RAB3C: variants seen among roughly 807,000 people sequenced by gnomAD.
RAB3C encodes the protein RAB3C, member RAS oncogene family.
Under a neutral mutation model 26.4 loss-of-function variants are expected in RAB3C, and 17 were observed. The observed-to-expected ratio is 0.64, with a 90% CI of 0.44 to 0.97. RAB3C has a LOEUF of 0.97. Among genes scored for constraint, RAB3C ranks in the 50% least tolerant of loss-of-function variants. RAB3C has a pLI of 0.00. For missense variants in RAB3C, 242 were observed against 281.9 expected (o/e 0.86, Z 1.01); for synonymous variants, 91 against 95.9 (o/e 0.95, Z 0.30).
rs149396885 is a variant in RAB3C at position 58,666,324 on chromosome 5, T to C, written c.252+48454T>C. Among the ~76,000 whole-genome samples, 317 of 152,272 alleles carry C rather than the reference T, an allele frequency of 2.1e-3. 5 individuals are homozygous for C. Among genetic ancestry groups the C allele is most frequent in the African/African-American group, 7.3e-3 (304 of 41,566 alleles). ...AGACCAAAAATATGTAAAGTATTTG[T>C]TGACAGAGAAGGTGAACAAGCTATT... is the stretch of plus-strand genomic sequence containing the variant. On this transcript the variant is annotated intron_variant, in intron 2 of 4. Coordinates refer to ENST00000282878, the MANE Select transcript of RAB3C (RefSeq NM_138453.4).
intron 2 of RAB3C, among the ~76,000 whole-genome samples, chr5:58,619,556 A>G (rs1746892524): frequency 6.6e-6 from 1 of 152,202 alleles, no homozygotes; most frequent in African/African-American, 2.4e-5. Context: ...CTTTTTACTA[A>G]TATGAAAGAA....
At chr5:58,647,176 A>C (rs1190708429) in intron 2 of RAB3C, among the ~76,000 whole-genome samples, 1 of 152,242 alleles carries the variant, frequency 6.6e-6, no homozygotes, top group African/African-American at 2.4e-5. Flanking sequence ...TTGTAGCTAC[A>C]AAGATACTGT....
chr5:58,764,770 T>C (rs945353714), intron 3 of RAB3C, among the ~76,000 whole-genome samples: 1 of 152,162 alleles, frequency 6.6e-6, no homozygotes, highest in Non-Finnish European at 1.5e-5. Context: ...CTTCCACACC[T>C]GAGGCGAGTA....
chr5:58,690,295 A>G (rs77438303), intron 2 of RAB3C, among the ~76,000 whole-genome samples: 2,277 of 152,250 alleles, frequency 0.015, 43 homozygotes, highest in African/African-American at 0.052. Context: ...TCAGTTATTT[A>G]TTAGTGTGTA....
At position 58,797,368 on chromosome 5, in the gene RAB3C, A is replaced by T. The variant is rs888999296; in HGVS notation, c.372-27670A>T. Among the ~76,000 whole-genome samples, 99 of 22,796 alleles carry T rather than the reference A, an allele frequency of 4.3e-3. 2 individuals are homozygous for T. The highest frequency in any genetic ancestry group is 0.015 in the East Asian group (18 of 1,210). The allele number at this position is 22,796 out of a possible 152,430, so 15.0% of individuals were successfully genotyped here. On this transcript the variant is annotated intron_variant, in intron 3 of 4. Coordinates refer to ENST00000282878, the MANE Select transcript of RAB3C (RefSeq NM_138453.4). ...AAAAAAAAAAAATATGTATATATAT[A>T]ATATATATATATATATATATATATA...
At chr5:58,769,354 G>A (rs1741979152) in intron 3 of RAB3C, among the ~76,000 whole-genome samples, 1 of 152,036 alleles carries the variant, frequency 6.6e-6, no homozygotes, top group Non-Finnish European at 1.5e-5. Context: ...GGAGTCATTG[G>A]CATTAAAGTA....
rs1408198789 is a variant in RAB3C at position 58,808,399 on chromosome 5, A to G, written c.372-16639A>G. 2.6e-5 allele frequency among the ~76,000 whole-genome samples: 4 copies of G among 152,184 alleles called. No homozygotes were observed. The East Asian group carries it at 7.7e-4, about 29-fold the overall frequency. ...CCAAATGAGAAAAGGTACTGCTCAG[A>G]GATAAAATTAAAGACAAGAAAATTG... On this transcript the variant is annotated intron_variant, in intron 3 of 4. Coordinates refer to ENST00000282878, the MANE Select transcript of RAB3C (RefSeq NM_138453.4).
chr5:58,741,112 C>A (rs1235848617), intron 3 of RAB3C, among the ~76,000 whole-genome samples: 2 of 152,146 alleles, frequency 1.3e-5, no homozygotes, highest in Non-Finnish European at 2.9e-5. Context: ...CAAATTAGAA[C>A]CAGCCGGAAA....
At chr5:58,623,454 A>G (rs1024271748) in intron 2 of RAB3C, among the ~76,000 whole-genome samples, 1 of 152,194 alleles carries the variant, frequency 6.6e-6, no homozygotes. Flanking sequence ...TGCCAAGACC[A>G]TTCTTGGTGC....
At chr5:58,831,967 G>A (rs1743621952) in intron 4 of RAB3C, among the ~76,000 whole-genome samples, 1 of 152,166 alleles carries the variant, frequency 6.6e-6, no homozygotes, top group African/African-American at 2.4e-5. Flanking sequence ...ACAACAGTAT[G>A]TTTTTTAAGT....
At chr5:58,679,342 C>T (rs1022715754) in intron 2 of RAB3C, among the ~76,000 whole-genome samples, 1 of 152,094 alleles carries the variant, frequency 6.6e-6, no homozygotes, top group Non-Finnish European at 1.5e-5. Context: ...TCTCTAGAGC[C>T]CCTTTCATCT....
chr5:58,663,151 A>C (rs1324016190), intron 2 of RAB3C, among the ~76,000 whole-genome samples: 1 of 150,282 alleles, frequency 6.7e-6, no homozygotes, highest in Admixed American at 6.6e-5. Context: ...TATACAAAGT[A>C]TGCAAAGTGA....
intron 2 of RAB3C, among the ~76,000 whole-genome samples, chr5:58,682,768 A>G (rs1048627814): frequency 1.3e-5 from 2 of 152,104 alleles, no homozygotes; most frequent in Non-Finnish European, 2.9e-5. Flanking sequence ...TTATGAGGGA[A>G]GTGTAAGAGA....
At position 58,774,796 on chromosome 5, in the gene RAB3C, G is replaced by A. The variant is rs888754729; in HGVS notation, c.371+48676G>A. On this transcript the variant is annotated intron_variant, in intron 3 of 4. Coordinates refer to ENST00000282878, the MANE Select transcript of RAB3C (RefSeq NM_138453.4). ...AAGCAGAGGAAACAGCCATGTGAAC[G>A]TCCTGTGTCAGGGCAGAGTGTCCTT... 4.6e-5 allele frequency among the ~76,000 whole-genome samples: 7 copies of A among 152,140 alleles called. No individual in the cohort carries two copies. The East Asian group carries it at 7.7e-4, about 17-fold the overall frequency.
At chr5:58,687,182 G>A (rs1194570327) in intron 2 of RAB3C, among the ~76,000 whole-genome samples, 2 of 151,994 alleles carry the variant, frequency 1.3e-5, no homozygotes, top group Non-Finnish European at 2.9e-5. Context: ...AATGATTGTG[G>A]TTTGTTTTGC....
intron 4 of RAB3C, among the ~76,000 whole-genome samples, chr5:58,830,958 C>G (rs1011048450): frequency 1.3e-5 from 2 of 152,084 alleles, no homozygotes; most frequent in Non-Finnish European, 2.9e-5. Context: ...TCACTGCAGC[C>G]TTGACCTCTT....
chr5:58,642,928 T>C (rs1747438560), intron 2 of RAB3C, among the ~76,000 whole-genome samples: 1 of 152,158 alleles, frequency 6.6e-6, no homozygotes, highest in Admixed American at 6.5e-5. Context: ...ATTTTAGAAA[T>C]GGGCAATTTA....
chr5:58,598,255 T>TTATATA lies in RAB3C; in HGVS notation c.24+15034_24+15039dup, dbSNP rs149986115. Among the ~76,000 whole-genome samples the TTATATA allele has an allele frequency of 3.3e-5, 4 of 121,158 alleles. 1 individual carries two copies. The highest frequency in any genetic ancestry group is 1.5e-4 in the African/African-American group (4 of 26,224). The allele number at this position is 121,158 out of a possible 152,430, so 79.5% of individuals were successfully genotyped here. The stretch of plus-strand genomic sequence containing the variant: ...TAAGTATATGATAATATGTAATACA[T>TTATATA]TATATATATATATATAGCTGAAAGC... On this transcript the variant is annotated intron_variant, in intron 1 of 4. Coordinates refer to ENST00000282878, the MANE Select transcript of RAB3C (RefSeq NM_138453.4).
chr5:58,656,347 C>T (rs1413074776), intron 2 of RAB3C, among the ~76,000 whole-genome samples: 1 of 152,014 alleles, frequency 6.6e-6, no homozygotes, highest in African/African-American at 2.4e-5. Context: ...TTGACAGTTG[C>T]TAAGAGAGTA....
Sources: allele counts gnomAD v4.1 joint callset (sites outside exome capture counted in the v4.1 genomes callset), GRCh38; gene constraint gnomAD v4.1.1; transcripts MANE v1.5; gene names NCBI Gene and HGNC (gene_info 2026-07-23, HGNC 2026-07-21).